Variants in ZNF469 observed in about 807,000 individuals in gnomAD.
ZNF469 encodes zinc finger protein 469.
In ZNF469, 1 loss-of-function variant was observed where a neutral mutation model predicts 1.0. That is an observed-to-expected ratio of 1.00 (90% CI 0.35 to 4.73). The LOEUF is 4.73. Among genes scored for constraint, ZNF469 ranks in the 30% most tolerant of loss-of-function variants. ZNF469 has a pLI of 0.16. For missense variants in ZNF469, 6,100 were observed against 5,356.3 expected, an observed-to-expected ratio of 1.14 and a Z score of -4.33; for synonymous variants, 2,703 against 2,363.4, an observed-to-expected ratio of 1.14 and a Z score of -4.17.
chr16:88,224,099 T>C, the ZNF469 span, among the ~76,000 whole-genome samples: 2 of 152,232 alleles, frequency 1.3e-5, no homozygotes, highest in African/African-American at 4.8e-5. Flanking sequence ...CGCCTGTTGT[T>C]TTCTCGGGGC....
At chr16:88,183,040 T>A in the ZNF469 span, among the ~76,000 whole-genome samples, 1 of 152,162 alleles carries the variant, frequency 6.6e-6, no homozygotes, top group African/African-American at 2.4e-5. Context: ...AACTCAATAC[T>A]AAGAAGACAA....
chr16:88,429,178 G>C lies in ZNF469; in HGVS notation c.1708G>C (p.Val570Leu), dbSNP rs1905933453. 1.3e-6 allele frequency: 2 copies of C among 1,549,848 alleles called. No individual in the cohort carries two copies. Among genetic ancestry groups the C allele is most frequent in the Non-Finnish European group, 8.7e-7 (1 of 1,146,834 alleles). ...PLFFGVAQPQ[V>L]SPHGTPSLPP... is the part of the protein sequence containing the mutation. ...GTTCTTCGGGGTGGCCCAGCCCCAG[G>C]TTTCACCCCACGGGACACCCAGCCT... Residue 570 changes from valine (V) to leucine (L), a missense_variant, in exon 3 of 3, where the codon GTT becomes CTT. Coordinates refer to ENST00000565624, the MANE Select transcript of ZNF469 (RefSeq NM_001367624.2).
the ZNF469 span, among the ~76,000 whole-genome samples, chr16:88,140,427 G>A: frequency 1.2e-4 from 18 of 145,722 alleles, no homozygotes; most frequent in South Asian, 3.7e-3. Context: ...GGGGTAGCAC[G>A]GAGGAAAGGA....
In ZNF469 at chr16:88,437,784, C is replaced by G. The variant is rs868121751; in HGVS notation, c.10314C>G (p.Asn3438Lys). The change falls in exon 3 of 3, where the codon AAC (asparagine) becomes AAG (lysine). Residue 3438 changes from asparagine to lysine, a missense_variant. Coordinates refer to ENST00000565624, the MANE Select transcript of ZNF469 (RefSeq NM_001367624.2). ...AKKEQFDRHM[N>K]KHLRGGRQPF... ...AGGAGCAGTTCGACCGCCACATGAA[C>G]AAGCACCTCAGGGGGGGGCGGCAGC... 1.0e-5 allele frequency: 16 copies of G among 1,549,230 alleles called. No homozygotes were observed. The highest frequency in any genetic ancestry group is 2.4e-5 in the East Asian group (1 of 40,906).
the ZNF469 span, among the ~76,000 whole-genome samples, chr16:88,280,166 A>G: frequency 2.0e-5 from 3 of 151,106 alleles, 1 homozygote; most frequent in African/African-American, 7.3e-5. Flanking sequence ...GTGCACGGTT[A>G]GTGCTGCACC....
At position 88,431,798 on chromosome 16, in the gene ZNF469, G is replaced by A; in HGVS notation, c.4328G>A (p.Arg1443Lys). 1 of 1,549,744 alleles carries A rather than the reference G, an allele frequency of 6.5e-7. No individual in the cohort carries two copies. Among genetic ancestry groups the A allele is most frequent in the Non-Finnish European group, 8.7e-7 (1 of 1,146,932 alleles). ...GGCACCGCTGAGACGGAGCCAGGCA[G>A]GGCTGCATCGCCACCGACCTTGGAG... is the stretch of plus-strand genomic sequence containing the variant. ...PPGTAETEPG[R>K]AASPPTLESS... is the part of the protein sequence containing the mutation. Residue 1443 changes from arginine (R) to lysine (K), a missense_variant, in exon 3 of 3, where the codon AGG becomes AAG. Arg to Lys is a conservative substitution (Grantham distance 26, BLOSUM62 2). Transcript: ENST00000565624.
At chr16:88,130,544 A>T in the ZNF469 span, among the ~76,000 whole-genome samples, 2 of 151,940 alleles carry the variant, frequency 1.3e-5, no homozygotes, top group Non-Finnish European at 2.9e-5. Flanking sequence ...CGTCTCTACT[A>T]ACGATACAAA....
chr16:88,160,464 C>T, the ZNF469 span, among the ~76,000 whole-genome samples: 20 of 152,290 alleles, frequency 1.3e-4, no homozygotes, highest in South Asian at 4.2e-4. Context: ...GTGCTGCCTG[C>T]GCACTTTGCA....
the ZNF469 span, among the ~76,000 whole-genome samples, chr16:88,285,292 G>A: frequency 1.3e-5 from 2 of 152,280 alleles, no homozygotes; most frequent in Non-Finnish European, 2.9e-5. Flanking sequence ...GCCAGGGCAG[G>A]TGAGGCCCTC....
Position 88,430,333 on chromosome 16 carries a change from C to A in ZNF469, c.2863C>A (p.Arg955=). The change falls in exon 3 of 3, where the codon CGG becomes AGG. Residue 955 remains arginine, a synonymous_variant. Coordinates refer to ENST00000565624, the MANE Select transcript of ZNF469 (RefSeq NM_001367624.2). ...QRRGKQLKLF[R]KDLDSGGAAE... ...GAGGGGGAAGCAGTTGAAGCTGTTCCGGAAGGATCTGGACTCGGGCGGCGC... is the reference window on the plus strand; with the variant it reads ...GAGGGGGAAGCAGTTGAAGCTGTTCAGGAAGGATCTGGACTCGGGCGGCGC... 2 of 1,514,922 alleles carry A rather than the reference C, an allele frequency of 1.3e-6. No individual in the cohort carries two copies. Among genetic ancestry groups the A allele is most frequent in the Non-Finnish European group, 1.8e-6 (2 of 1,135,596 alleles). The allele number at this position is 1,514,922 out of a possible 1,614,324, so 93.8% of individuals were successfully genotyped here. A position where few individuals can be genotyped will look rare whatever the true frequency, so the allele number is the denominator to read the frequency against.
At chr16:88,216,013 C>A in the ZNF469 span, among the ~76,000 whole-genome samples, 1 of 152,142 alleles carries the variant, frequency 6.6e-6, no homozygotes, top group Non-Finnish European at 1.5e-5. Context: ...TTCATGTTTT[C>A]CTCTGGGGTC....
At chr16:88,249,731 C>T in the ZNF469 span, among the ~76,000 whole-genome samples, 2 of 152,238 alleles carry the variant, frequency 1.3e-5, no homozygotes, top group African/African-American at 4.8e-5. Context: ...CCACCACGCC[C>T]GGCCAATTTT....
At chr16:88,141,283 GT>G in the ZNF469 span, among the ~76,000 whole-genome samples, 1 of 152,246 alleles carries the variant, frequency 6.6e-6, no homozygotes, top group Non-Finnish European at 1.5e-5. Context: ...TAAAGCAGTT[GT>G]GTAACAAAAG....
At chr16:88,139,663 A>T in the ZNF469 span, among the ~76,000 whole-genome samples, 1 of 151,810 alleles carries the variant, frequency 6.6e-6, no homozygotes. Context: ...GGACGTGATG[A>T]AGAAAATTGC....
At chr16:88,211,759 C>G in the ZNF469 span, among the ~76,000 whole-genome samples, 1 of 152,140 alleles carries the variant, frequency 6.6e-6, no homozygotes, top group African/African-American at 2.4e-5. Context: ...TCCACAAATT[C>G]TGTCCTTTGC....
At chr16:88,191,211 C>T in the ZNF469 span, among the ~76,000 whole-genome samples, 1 of 151,922 alleles carries the variant, frequency 6.6e-6, no homozygotes, top group Non-Finnish European at 1.5e-5. Context: ...GCTGTGTAGC[C>T]AAATGCAGTC....
At chr16:88,344,551 G>T in the ZNF469 span, among the ~76,000 whole-genome samples, 1,830 of 152,354 alleles carry the variant, frequency 0.012, 37 homozygotes, top group African/African-American at 0.041. Flanking sequence ...GGCAGGGATG[G>T]GGTCAGTGTG....
chr16:88,135,565 C>T, the ZNF469 span, among the ~76,000 whole-genome samples: 2 of 152,046 alleles, frequency 1.3e-5, no homozygotes, highest in African/African-American at 4.8e-5. Flanking sequence ...AGGAAGGCCC[C>T]GCACGTTAGC....
the ZNF469 span, among the ~76,000 whole-genome samples, chr16:88,239,333 G>C: frequency 6.6e-6 from 1 of 152,082 alleles, no homozygotes; most frequent in East Asian, 1.9e-4. Context: ...AGAAGATGAA[G>C]AAGATTCTTT....
Sources: gnomAD v4.1 joint callset for allele counts (sites outside exome capture counted in the v4.1 genomes callset) on GRCh38, gnomAD v4.1.1 for gene constraint, MANE v1.5 for transcripts, NCBI Gene and HGNC (gene_info 2026-07-23, HGNC 2026-07-21) for gene names.